Variants in FEZF1 observed in about 807,000 individuals in gnomAD.
FEZF1 encodes fez family zinc finger protein 1.
A neutral mutation model predicts 32.4 loss-of-function variants in FEZF1; 8 were observed. That is an observed-to-expected ratio of 0.25 (90% CI 0.15 to 0.45). The LOEUF (loss-of-function observed/expected upper bound fraction) is 0.45. Ranked by LOEUF, FEZF1 falls within the 20% of genes least tolerant of loss-of-function variation. The pLI is 1.00. For missense variants in FEZF1, 546 were observed against 622.3 expected (o/e 0.88, Z 1.31); for synonymous variants, 259 against 265.2 (o/e 0.98, Z 0.23).
At chr7:122,306,608 G>C (rs1294533447), upstream of FEZF1, 1 of 152,276 alleles carries the variant, frequency 6.6e-6, no homozygotes, top group Non-Finnish European at 1.5e-5. Flanking sequence ...GAAAGGAAGA[G>C]AGCTTGGGCT....
rs2031046032 is a variant in FEZF1, at chr7:122,301,900, G to A, written c.*97C>T. On this transcript the variant is annotated 3_prime_UTR_variant, in exon 4 of 4. Transcript: ENST00000442488. Reference sequence around the variant, plus strand: ...GGCCCTGAAGTGTGGGGCCCAACATGCCCTGGGGTCTGCAGACGAACTCGG... The same window carrying A: ...GGCCCTGAAGTGTGGGGCCCAACATACCCTGGGGTCTGCAGACGAACTCGG... The A allele has an allele frequency of 3.3e-6, 5 of 1,494,506 alleles. No individual in the cohort carries two copies. In the Admixed American group the frequency reaches 9.1e-5, roughly 27 times the overall value. The allele number at this position is 1,494,506 out of a possible 1,614,324, so 92.6% of individuals were successfully genotyped here. A position where few individuals can be genotyped will look rare whatever the true frequency, so the allele number is the denominator to read the frequency against.
At chr7:122,304,832 G>A (rs2031223782), upstream of FEZF1, 1 of 158,748 alleles carries the variant, frequency 6.3e-6, no homozygotes, top group South Asian at 2.1e-4. Context: ...ACTTTTCATT[G>A]GTGAGTGAGG....
Position 122,304,660 on chromosome 7 carries a change from T to C in FEZF1, c.-223A>G. The C allele has an allele frequency of 2.2e-6, 1 of 446,864 alleles. No individual in the cohort carries two copies. Among genetic ancestry groups the C allele is most frequent in the Admixed American group, 3.3e-5 (1 of 30,560 alleles). The allele number at this position is 446,864 out of a possible 1,614,324, so 27.7% of individuals were successfully genotyped here. ...TGGCGCACCAATGACTCGGGGACAA[T>C]CACTACTTATTTCTATCAATAGAAA... On this transcript the variant is annotated 5_prime_UTR_variant, in exon 1 of 4. Coordinates refer to ENST00000442488, the MANE Select transcript of FEZF1 (RefSeq NM_001024613.4).
rs1563042081 is a variant in FEZF1, at chr7:122,303,521, GGAAGGAAGGAAGGAA to G, written c.801+101_801+115del. The G allele has an allele frequency of 4.8e-4, 232 of 482,368 alleles. 2 individuals carry two copies. Among genetic ancestry groups the G allele is most frequent in the African/African-American group, 3.9e-3 (161 of 40,808 alleles). The allele number at this position is 482,368 out of a possible 1,614,324, so 29.9% of individuals were successfully genotyped here. A position where few individuals can be genotyped will look rare whatever the true frequency, so the allele number is the denominator to read the frequency against. On this transcript the variant is annotated intron_variant, in intron 1 of 3. Transcript: ENST00000442488. ...AGGAAGGAAGGAAGGAAGGAAGGAAGGAAGGAAGGAAGGAAGGAGGGAGGGAAGGAAGGAGGGAAG... is the reference window on the plus strand; with the variant it reads ...AGGAAGGAAGGAAGGAAGGAAGGAAGGGAGGGAGGGAAGGAAGGAGGGAAG...
chr7:122,307,170 CG>C (rs1411858907), upstream of FEZF1: 1 of 152,070 alleles, frequency 6.6e-6, no homozygotes, highest in Non-Finnish European at 1.5e-5. Flanking sequence ...ACAAAGGGCA[CG>C]GGAAGGGCTT....
At chr7:122,306,133 T>C (rs1016351204), upstream of FEZF1, 3 of 152,182 alleles carry the variant, frequency 2.0e-5, no homozygotes, top group African/African-American at 7.3e-5. Flanking sequence ...TGCACAGAGT[T>C]TGAAGACACG....
chr7:122,301,326 C>G lies in FEZF1; in HGVS notation c.*671G>C, dbSNP rs1482606603. ...AGTTTGTTGATTAAATAAGCATGTT[C>G]CAAGTATTTATTTCCAACAGTCAAT... On this transcript the variant is annotated 3_prime_UTR_variant, in exon 4 of 4. Transcript: ENST00000442488. 2 of 152,194 alleles carry G rather than the reference C, an allele frequency of 1.3e-5. No homozygotes were observed. Among genetic ancestry groups the G allele is most frequent in the African/African-American group, 4.8e-5 (2 of 41,444 alleles). The allele number at this position is 152,194 out of a possible 1,614,324, so 9.4% of individuals were successfully genotyped here.
In FEZF1 at chr7:122,302,692, AGTG is replaced by A. The variant is rs2150612983; in HGVS notation, c.1069+104_1069+106del. ...AGTAGGGAGTTAGAATGGCAACAAA[AGTG>A]CCACATAACTACACTTTAAACATCG... is the stretch of plus-strand genomic sequence containing the variant. On this transcript the variant is annotated intron_variant, in intron 3 of 3. Transcript: ENST00000442488. The surrounding 1 kb of genome is among the most constrained non-coding windows in gnomAD (Gnocchi z 4.4). 8.1e-7 allele frequency: 1 copy of A among 1,235,908 alleles called. No individual in the cohort carries two copies. Among genetic ancestry groups the A allele is most frequent in the South Asian group, 1.3e-5 (1 of 75,402 alleles). The allele number at this position is 1,235,908 out of a possible 1,614,324, so 76.6% of individuals were successfully genotyped here.
Position 122,301,778 on chromosome 7 carries a change from T to C in FEZF1, c.*219A>G. ...AAACAAGCAAAACCCTCCAAATTTT[T>C]CATAATTGTTAGTGCCTATATAGAA... On this transcript the variant is annotated 3_prime_UTR_variant, in exon 4 of 4. Transcript: ENST00000442488. 2.2e-6 allele frequency: 1 copy of C among 455,130 alleles called. No homozygotes were observed. The highest frequency in any genetic ancestry group is 3.7e-6 in the Non-Finnish European group (1 of 270,396). The allele number at this position is 455,130 out of a possible 1,614,324, so 28.2% of individuals were successfully genotyped here.
rs533225178 is a variant in FEZF1 at position 122,303,751 on chromosome 7, G to A, written c.687C>T (p.Tyr229=). ...ACAGAAGCTGGGCGCTTTCTTTCAT[G>A]TAATGCTGCAGCTGAGCCTGGGACA... ...KDLSQAQLQH[Y]MKESAQLLSE... is the part of the protein sequence containing the mutation. Residue 229 remains tyrosine (Y), a synonymous_variant, in exon 1 of 4, where the codon TAC becomes TAT. Coordinates refer to ENST00000442488, the MANE Select transcript of FEZF1 (RefSeq NM_001024613.4). 5.0e-6 allele frequency: 8 copies of A among 1,614,234 alleles called. No individual in the cohort carries two copies. In the East Asian group the frequency reaches 1.8e-4, roughly 36 times the overall value.
At position 122,302,886 on chromosome 7, in the gene FEZF1, T is replaced by C. The variant is rs1357784193; in HGVS notation, c.982A>G (p.Ser328Gly). ...CGGGTATGAGTGTTTAAAGTGGAACTTCTATTAAATGCTTTGCCACACTGG... is the reference window on the plus strand; with the variant it reads ...CGGGTATGAGTGTTTAAAGTGGAACCTCTATTAAATGCTTTGCCACACTGG... ...CNQCGKAFNR[S>G]STLNTHTRIH... The change falls in exon 3 of 4, where the codon AGT becomes GGT. Residue 328 changes from serine (S) to glycine (G), a missense_variant. This residue lies in a region of FEZF1 where 118 missense variants were observed against 188.7 expected (regional missense o/e 0.63). Transcript: ENST00000442488. This position sits in a 1 kb window ranked among gnomAD's most constrained non-coding sequence, Gnocchi z 4.4. 1 of 1,613,752 alleles carries C rather than the reference T, an allele frequency of 6.2e-7. No homozygotes were observed. The highest frequency in any genetic ancestry group is 1.3e-5 in the African/African-American group (1 of 74,932).
chr7:122,301,930 G>A lies in FEZF1; in HGVS notation c.*67C>T, dbSNP rs1584958058. ...GGGGTCTGCAGACGAACTCGGACCAGGAGCTCTAGTCTGCCGCTGCCTCAG... is the reference window on the plus strand; with the variant it reads ...GGGGTCTGCAGACGAACTCGGACCAAGAGCTCTAGTCTGCCGCTGCCTCAG... On this transcript the variant is annotated 3_prime_UTR_variant, in exon 4 of 4. Coordinates refer to ENST00000442488, the MANE Select transcript of FEZF1 (RefSeq NM_001024613.4). 2 of 1,528,616 alleles carry A rather than the reference G, an allele frequency of 1.3e-6. No individual in the cohort carries two copies. The highest frequency in any genetic ancestry group is 4.5e-5 in the East Asian group (2 of 44,078). The allele number at this position is 1,528,616 out of a possible 1,614,324, so 94.7% of individuals were successfully genotyped here. A position where few individuals can be genotyped will look rare whatever the true frequency, so the allele number is the denominator to read the frequency against.
At chr7:122,303,536 A>AGGAAGGAG (rs1455041615) in intron 1 of FEZF1, 101 bp downstream of exon 1, 159 of 325,266 alleles carry the variant, frequency 4.9e-4, no homozygotes, top group South Asian at 3.3e-3. Flanking sequence ...GAAGGAAGGA[A>AGGAAGGAG]GGAGGGAGGG....
chr7:122,303,843 C>T lies in FEZF1; in HGVS notation c.595G>A (p.Ala199Thr). The change falls in exon 1 of 4, where the codon GCC becomes ACC. Residue 199 changes from alanine (A) to threonine (T), a missense_variant. Ala to Thr is a moderately conservative substitution (Grantham distance 58). Transcript: ENST00000442488. The stretch of plus-strand genomic sequence containing the variant: ...GGGACCACCAGTTTATTCCTTTCGG[C>T]TAAATACGTTTTTGGCTGCGGGTGC... ...PLHPQPKTYL[A>T]ERNKLVVPAV... 1 of 1,614,220 alleles carries T rather than the reference C, an allele frequency of 6.2e-7. No homozygotes were observed. Among genetic ancestry groups the T allele is most frequent in the Non-Finnish European group, 8.5e-7 (1 of 1,180,044 alleles).
In FEZF1 at chr7:122,302,372, A is replaced by T; in HGVS notation, c.1070-17T>A. ...TGTAATTCCCTGAAACACACAAATG[A>T]CAGGAATATGGTTCTGAAAAAAAAA... On this transcript the variant is annotated splice_polypyrimidine_tract_variant and intron_variant, in intron 3 of 3. Coordinates refer to ENST00000442488, the MANE Select transcript of FEZF1 (RefSeq NM_001024613.4). The surrounding 1 kb of genome is among the most constrained non-coding windows in gnomAD (Gnocchi z 4.4). 6.2e-7 allele frequency: 1 copy of T among 1,612,696 alleles called. No homozygotes were observed. Among genetic ancestry groups the T allele is most frequent in the Non-Finnish European group, 8.5e-7 (1 of 1,179,962 alleles).
upstream of FEZF1, chr7:122,306,965 A>G (rs1194750387): frequency 6.6e-6 from 1 of 151,868 alleles, no homozygotes; most frequent in Non-Finnish European, 1.5e-5. Flanking sequence ...CAGACTGCAA[A>G]TTTTTCTTTC....
Position 122,304,677 on chromosome 7 carries a change from C to G in FEZF1, c.-240G>C. On this transcript the variant is annotated 5_prime_UTR_variant, in exon 1 of 4. Coordinates refer to ENST00000442488, the MANE Select transcript of FEZF1 (RefSeq NM_001024613.4). ...GGGGACAATCACTACTTATTTCTATCAATAGAAAGTGTTGTGTCAATAACG... is the reference window on the plus strand; with the variant it reads ...GGGGACAATCACTACTTATTTCTATGAATAGAAAGTGTTGTGTCAATAACG... 1 of 433,148 alleles carries G rather than the reference C, an allele frequency of 2.3e-6. No individual in the cohort carries two copies. Among genetic ancestry groups the G allele is most frequent in the Non-Finnish European group, 4.2e-6 (1 of 238,274 alleles). The allele number at this position is 433,148 out of a possible 1,614,324, so 26.8% of individuals were successfully genotyped here. A position where few individuals can be genotyped will look rare whatever the true frequency, so the allele number is the denominator to read the frequency against.
Position 122,303,709 on chromosome 7 carries a change from G to A in FEZF1, c.729C>T (p.Phe243=), listed in dbSNP as rs2031154565. ...AGCCTCGGCTGAAATCCGAGGTTTT[G>A]AACGCGATTTTTTCCGACAGAAGCT... ...SAQLLSEKIA[F]KTSDFSRGSP... is the part of the protein sequence containing the mutation. The change falls in exon 1 of 4, where the codon TTC becomes TTT. Residue 243 remains phenylalanine, a synonymous_variant. Transcript: ENST00000442488. The A allele has an allele frequency of 1.2e-6, 2 of 1,614,222 alleles. No homozygotes were observed. Among genetic ancestry groups the A allele is most frequent in the Non-Finnish European group, 1.7e-6 (2 of 1,180,040 alleles).
At chr7:122,306,487 C>T (rs2031285163), upstream of FEZF1, 3 of 152,220 alleles carry the variant, frequency 2.0e-5, no homozygotes, top group South Asian at 2.1e-4. Context: ...GTATTCCCTC[C>T]TCTCTACCCC....
Sources: gnomAD v4.1 joint callset for allele counts on GRCh38, gnomAD v4.1.1 for gene constraint, gnomAD v4.1.1 regional missense constraint, Gnocchi (gnomAD v3.1) non-coding constraint, MANE v1.5 for transcripts, NCBI Gene and HGNC (gene_info 2026-07-23, HGNC 2026-07-21) for gene names.